The following ANTXR1 variants were observed in gnomAD, a reference collection of about 807,000 sequenced individuals.
The protein encoded by ANTXR1 is ANTXR cell adhesion molecule 1.
Under a neutral mutation model 78.1 loss-of-function variants are expected in ANTXR1, and 19 were observed. The observed-to-expected ratio is 0.24, with a 90% CI of 0.17 to 0.36. The LOEUF is 0.36. ANTXR1 is among the 10% of genes least tolerant of loss of function. ANTXR1 has a pLI of 1.00. For synonymous variants in ANTXR1, 273 were observed against 260.5 expected (o/e 1.05, Z -0.46); for missense variants, 518 against 718.6 (o/e 0.72, Z 3.19).
At chr2:69,042,284 A>G (rs888107253) in intron 2 of ANTXR1, among the ~76,000 whole-genome samples, 4 of 152,002 alleles carry the variant, frequency 2.6e-5, no homozygotes, top group African/African-American at 9.7e-5. Context: ...CCTACACCTC[A>G]CACCCATTGC....
chr2:69,091,996 G>A (rs1437416645), intron 9 of ANTXR1, among the ~76,000 whole-genome samples: 1 of 152,190 alleles, frequency 6.6e-6, no homozygotes, highest in African/African-American at 2.4e-5. Context: ...CCTGCTGCAT[G>A]CCAGGCACTG....
At chr2:69,230,852 C>T (rs1675578386) in intron 17 of ANTXR1, among the ~76,000 whole-genome samples, 1 of 152,124 alleles carries the variant, frequency 6.6e-6, no homozygotes, top group South Asian at 2.1e-4. Context: ...AGGTTTGTTA[C>T]ATAGGTAAAC....
intron 10 of ANTXR1, among the ~76,000 whole-genome samples, chr2:69,108,143 T>C (rs1013654837): frequency 6.6e-6 from 1 of 152,250 alleles, no homozygotes; most frequent in African/African-American, 2.4e-5. Flanking sequence ...TTTCATTTAA[T>C]TTTTATTAAC....
intron 9 of ANTXR1, among the ~76,000 whole-genome samples, chr2:69,092,674 A>G (rs1671278348): frequency 6.6e-6 from 1 of 152,214 alleles, no homozygotes. Context: ...TTAAGAATTC[A>G]GAAATCTTAC....
intron 17 of ANTXR1, among the ~76,000 whole-genome samples, chr2:69,241,273 G>T (rs768166392): frequency 1.6e-4 from 24 of 152,254 alleles, no homozygotes; most frequent in Middle Eastern, 6.8e-3. Flanking sequence ...GAGAACATCT[G>T]GCCTTTCTAT....
chr2:69,178,782 C>G (rs1475933182), intron 14 of ANTXR1, among the ~76,000 whole-genome samples: 1 of 152,160 alleles, frequency 6.6e-6, no homozygotes, highest in African/African-American at 2.4e-5. Context: ...ATCAGAAAAC[C>G]ACACCAGAAC....
At chr2:69,098,550 A>T (rs1378312166) in intron 9 of ANTXR1, among the ~76,000 whole-genome samples, 1 of 152,266 alleles carries the variant, frequency 6.6e-6, no homozygotes, top group Non-Finnish European at 1.5e-5. Flanking sequence ...TGTGTTCCAC[A>T]TTTCCAAAAA....
intron 16 of ANTXR1, among the ~76,000 whole-genome samples, chr2:69,191,907 T>C (rs114181049): frequency 4.8e-3 from 727 of 152,366 alleles, no homozygotes; most frequent in Non-Finnish European, 7.7e-3. Flanking sequence ...TCTTTGACCC[T>C]CCATTTCCTC....
rs1262127798 is a variant in ANTXR1, at chr2:69,123,001, G to A, written c.803-16G>A. On this transcript the variant is annotated splice_polypyrimidine_tract_variant and intron_variant, in intron 10 of 17. Coordinates refer to ENST00000303714, the MANE Select transcript of ANTXR1 (RefSeq NM_032208.3). ...CTCACCTCCCTCTTCTTAATCCAGT[G>A]ATTTCCTTTTTGCAGATGAGAAGCC... is the stretch of plus-strand genomic sequence containing the variant. The A allele has an allele frequency of 1.2e-6, 2 of 1,613,318 alleles. No individual in the cohort carries two copies. The highest frequency in any genetic ancestry group is 1.7e-6 in the Non-Finnish European group (2 of 1,179,254).
intron 1 of ANTXR1, among the ~76,000 whole-genome samples, chr2:69,031,498 A>G (rs1671529544): frequency 6.6e-6 from 1 of 152,216 alleles, no homozygotes. Context: ...CCCTCACTGC[A>G]CAGTCTAATT....
chr2:69,022,015 A>C (rs1356981389), intron 1 of ANTXR1, among the ~76,000 whole-genome samples: 2 of 152,150 alleles, frequency 1.3e-5, no homozygotes, highest in African/African-American at 4.8e-5. Flanking sequence ...AATTAGATTA[A>C]ATGGAAAGTA....
At chr2:69,244,470 T>C (rs1341232127) in intron 17 of ANTXR1, among the ~76,000 whole-genome samples, 2 of 152,220 alleles carry the variant, frequency 1.3e-5, no homozygotes, top group African/African-American at 4.8e-5. Flanking sequence ...TATTATTTAC[T>C]AGCACTTTGG....
chr2:69,033,454 G>C (rs552428233), intron 1 of ANTXR1, among the ~76,000 whole-genome samples: 4 of 152,330 alleles, frequency 2.6e-5, no homozygotes, highest in South Asian at 2.1e-4. Context: ...GCAAAGAGTA[G>C]AAGCAAAATA....
chr2:69,218,367 G>A (rs1470267598), intron 17 of ANTXR1, among the ~76,000 whole-genome samples: 2 of 152,200 alleles, frequency 1.3e-5, no homozygotes, highest in African/African-American at 2.4e-5. Context: ...AAAAAAAGGG[G>A]GGGATGGGTA....
intron 7 of ANTXR1, among the ~76,000 whole-genome samples, chr2:69,076,170 C>A (rs1240097517): frequency 3.3e-5 from 5 of 151,998 alleles, no homozygotes; most frequent in Non-Finnish European, 7.4e-5. Context: ...AAAGATAAAG[C>A]CTCACTGTAT....
At position 69,170,101 on chromosome 2, in the gene ANTXR1, C is replaced by G. The variant is rs1390057775; in HGVS notation, c.1048-147C>G. 3.7e-6 allele frequency: 3 copies of G among 800,542 alleles called. No individual in the cohort carries two copies. The African/African-American group carries it at 5.1e-5, about 14-fold the overall frequency. 49.6% of individuals were successfully genotyped at this position (800,542 alleles called of 1,614,324 possible). A position where few individuals can be genotyped will look rare whatever the true frequency, so the allele number is the denominator to read the frequency against. ...GAGCTACTCTGTCCAGCAAAGACAC[C>G]TCTCATGGCAGTGATTAAGCCCGAC... On this transcript the variant is annotated intron_variant, in intron 13 of 17. Transcript: ENST00000303714.
intron 1 of ANTXR1, among the ~76,000 whole-genome samples, chr2:69,018,028 G>C (rs1307072167): frequency 6.6e-6 from 1 of 152,088 alleles, no homozygotes; most frequent in African/African-American, 2.4e-5. Flanking sequence ...GGCTGGCTAT[G>C]TTATGTGTGC....
At chr2:69,077,281 T>C in intron 7 of ANTXR1, 127 bp from the exon 8 acceptor site, 1 of 968,932 alleles carries the variant, frequency 1.0e-6, no homozygotes, top group Non-Finnish European at 1.6e-6. Flanking sequence ...CTGAGCCCAG[T>C]GAAGGCCTCA....
intron 3 of ANTXR1, among the ~76,000 whole-genome samples, chr2:69,052,787 AT>A (rs907541983): frequency 3.2e-4 from 48 of 151,904 alleles, no homozygotes; most frequent in African/African-American, 1.0e-3. Context: ...TCTTTCTATT[AT>A]TTTTTTGACA....
Sources: allele counts gnomAD v4.1 joint callset (sites outside exome capture counted in the v4.1 genomes callset), GRCh38; gene constraint gnomAD v4.1.1; transcripts MANE v1.5; gene names NCBI Gene and HGNC (gene_info 2026-07-23, HGNC 2026-07-21).